DPP6: variants seen among roughly 807,000 people sequenced by gnomAD.
The protein encoded by DPP6 is A-type potassium channel modulatory protein DPP6.
Under a neutral mutation model 122.6 loss-of-function variants are expected in DPP6, and 69 were observed. That is an observed-to-expected ratio of 0.56 (90% CI 0.46 to 0.69). The LOEUF is 0.69. Among genes scored for constraint, DPP6 ranks in the 30% least tolerant of loss-of-function variants. The pLI is 0.00. For missense variants in DPP6, 928 were observed against 1,116.9 expected, an observed-to-expected ratio of 0.83 and a Z score of 2.41; for synonymous variants, 418 against 433.1, an observed-to-expected ratio of 0.97 and a Z score of 0.43.
intron 1 of DPP6, among the ~76,000 whole-genome samples, chr7:154,239,563 G>T (rs2150869761): frequency 6.7e-6 from 1 of 148,928 alleles, no homozygotes. Flanking sequence ...TCACTTTATT[G>T]TAAGATCACA....
chr7:154,431,880 A>G (rs1009868944), intron 1 of DPP6, among the ~76,000 whole-genome samples: 2 of 151,964 alleles, frequency 1.3e-5, no homozygotes, highest in Non-Finnish European at 2.9e-5. Context: ...GGTATTCAGG[A>G]CCTTCCTTTT....
chr7:154,828,744 A>C (rs1335059402), intron 16 of DPP6, among the ~76,000 whole-genome samples: 1 of 152,206 alleles, frequency 6.6e-6, no homozygotes, highest in Non-Finnish European at 1.5e-5. Context: ...ACCCATGCAG[A>C]TGTCAGTATG....
At chr7:154,594,057 A>G (rs894771210) in intron 5 of DPP6, among the ~76,000 whole-genome samples, 23 of 152,204 alleles carry the variant, frequency 1.5e-4, no homozygotes, top group Non-Finnish European at 2.9e-4. Flanking sequence ...GAGTGGTTGT[A>G]GAAAGTGTGA....
intron 1 of DPP6, among the ~76,000 whole-genome samples, chr7:154,326,756 A>G (rs1455975523): frequency 6.6e-6 from 1 of 152,252 alleles, no homozygotes; most frequent in Non-Finnish European, 1.5e-5. Context: ...CTAGAGAGCT[A>G]GCTGTTCAAT....
the DPP6 span, among the ~76,000 whole-genome samples, chr7:153,793,610 G>T: frequency 2.5e-4 from 38 of 151,272 alleles, no homozygotes; most frequent in Non-Finnish European, 4.6e-4. Context: ...CTGCAGAAAT[G>T]TGCATAAGTA....
intron 1 of DPP6, among the ~76,000 whole-genome samples, chr7:154,073,549 T>C (rs1455227030): frequency 6.6e-6 from 1 of 152,228 alleles, no homozygotes; most frequent in Non-Finnish European, 1.5e-5. Context: ...CGAGTACTTT[T>C]CTATACTTAC....
chr7:154,319,378 C>T (rs1000840081), intron 1 of DPP6, among the ~76,000 whole-genome samples: 20 of 152,154 alleles, frequency 1.3e-4, no homozygotes, highest in African/African-American at 3.4e-4. Flanking sequence ...ATTTGTATAA[C>T]GCTTAGCACC....
chr7:154,423,318 G>T (rs929857262), intron 1 of DPP6, among the ~76,000 whole-genome samples: 1 of 152,136 alleles, frequency 6.6e-6, no homozygotes, highest in African/African-American at 2.4e-5. Flanking sequence ...TGATAATGTC[G>T]GTGGTGTCTG....
chr7:154,692,138 C>A (rs1041721572), intron 7 of DPP6, among the ~76,000 whole-genome samples: 4 of 152,284 alleles, frequency 2.6e-5, no homozygotes, highest in Non-Finnish European at 4.4e-5. Context: ...TTAGTTCCCT[C>A]CCTGATGTTG....
chr7:154,425,050 T>C (rs1407938759), intron 1 of DPP6, among the ~76,000 whole-genome samples: 2 of 152,244 alleles, frequency 1.3e-5, no homozygotes, highest in African/African-American at 2.4e-5. Context: ...TAATTAAATG[T>C]AGATGAGTCC....
chr7:154,443,779 G>T (rs963259849), intron 1 of DPP6, among the ~76,000 whole-genome samples: 1 of 152,196 alleles, frequency 6.6e-6, no homozygotes, highest in Non-Finnish European at 1.5e-5. Context: ...TAGAGCAAAT[G>T]GTTAATTGTG....
intron 1 of DPP6, among the ~76,000 whole-genome samples, chr7:154,062,567 G>T (rs373766187): frequency 9.6e-5 from 1 of 10,456 alleles, no homozygotes. Flanking sequence ...CCATCGCAGG[G>T]GGGGGAGGCA....
chr7:154,738,396 T>G (rs1842666122), intron 8 of DPP6, among the ~76,000 whole-genome samples: 1 of 152,250 alleles, frequency 6.6e-6, no homozygotes, highest in African/African-American at 2.4e-5. Flanking sequence ...ATTGCCATGG[T>G]GACCAGTCGG....
At chr7:154,439,573 C>T (rs1819186162) in intron 1 of DPP6, among the ~76,000 whole-genome samples, 1 of 152,188 alleles carries the variant, frequency 6.6e-6, no homozygotes, top group Non-Finnish European at 1.5e-5. Context: ...CTATCAGACC[C>T]AGTCAATTAA....
intron 1 of DPP6, among the ~76,000 whole-genome samples, chr7:154,208,379 T>C (rs563968365): frequency 1.3e-5 from 2 of 152,298 alleles, no homozygotes; most frequent in East Asian, 3.9e-4. Context: ...CACATACATT[T>C]CCACCAGTTA....
intron 10 of DPP6, among the ~76,000 whole-genome samples, chr7:154,776,533 C>G (rs1245651074): frequency 1.3e-5 from 2 of 152,108 alleles, no homozygotes; most frequent in Non-Finnish European, 2.9e-5. Flanking sequence ...TTTTCATTTT[C>G]CCGCCTGCCA....
intron 6 of DPP6, among the ~76,000 whole-genome samples, chr7:154,663,815 TCA>T (rs1193474520): frequency 8.0e-6 from 1 of 124,594 alleles, no homozygotes; most frequent in African/African-American, 2.7e-5. Context: ...TCATGGTGAA[TCA>T]CCATGGCGTA....
the DPP6 span, among the ~76,000 whole-genome samples, chr7:153,825,498 G>A: frequency 6.6e-6 from 1 of 152,076 alleles, no homozygotes. Context: ...TCCCTCCATT[G>A]TACCAGACAG....
intron 1 of DPP6, among the ~76,000 whole-genome samples, chr7:154,250,901 A>G (rs975805931): frequency 1.1e-4 from 17 of 152,178 alleles, no homozygotes; most frequent in Admixed American, 3.3e-4. Flanking sequence ...AAAGAACAAC[A>G]TCTAGGAGTA....
Sources: allele counts gnomAD v4.1 joint callset (sites outside exome capture counted in the v4.1 genomes callset), GRCh38; gene constraint gnomAD v4.1.1; transcripts MANE v1.5; gene names NCBI Gene and HGNC (gene_info 2026-07-23, HGNC 2026-07-21).